The following DENND11 variants were observed in gnomAD, a reference collection of about 807,000 sequenced individuals.
The protein encoded by DENND11 is DENN domain-containing protein 11.
Under a neutral mutation model 49.2 loss-of-function variants are expected in DENND11, and 34 were observed. That is an observed-to-expected ratio of 0.69 (90% CI 0.53 to 0.92). The LOEUF (loss-of-function observed/expected upper bound fraction) is 0.92. Among genes scored for constraint, DENND11 ranks in the 40% least tolerant of loss-of-function variants. The pLI is 0.00. For synonymous variants in DENND11, 238 were observed against 230.3 expected (o/e 1.03, Z -0.30); for missense variants, 475 against 581.6 (o/e 0.82, Z 1.88).
At chr7:141,666,258 C>G (rs1797891831) in intron 5 of DENND11, 29 bp downstream of exon 5, 1 of 1,562,150 alleles carries the variant, frequency 6.4e-7, no homozygotes. Flanking sequence ...GGGATTTAAG[C>G]AGCACTCCTG....
chr7:141,690,846 C>T (rs112731008), intron 1 of DENND11, among the ~76,000 whole-genome samples: 1 of 152,160 alleles, frequency 6.6e-6, no homozygotes, highest in African/African-American at 2.4e-5. Flanking sequence ...CTTTAATATG[C>T]CACTCTGCAT....
Position 141,664,919 on chromosome 7 carries a change from C to A in DENND11, c.1088G>T (p.Arg363Leu). The A allele has an allele frequency of 6.2e-7, 1 of 1,612,234 alleles. No individual in the cohort carries two copies. The highest frequency in any genetic ancestry group is 8.5e-7 in the Non-Finnish European group (1 of 1,179,148). ...INSADREKYR[R>L]LNEQRQMLLY... is the part of the protein sequence containing the mutation. The stretch of plus-strand genomic sequence containing the variant: ...CTGCCACTACCTCTGCTCGTTGAGC[C>A]GGCGGTACTTCTCCCTGTCAGCACT... Residue 363 changes from arginine (R) to leucine (L), a missense_variant, in exon 7 of 9, where the codon CGG (arginine) becomes CTG (leucine). Physicochemically the swap from Arg to Leu is moderately radical, Grantham distance 102. Coordinates refer to ENST00000536163, the MANE Select transcript of DENND11 (RefSeq NM_001080392.2).
Position 141,686,585 on chromosome 7 carries a change from C to T in DENND11, c.342G>A (p.Gly114=), listed in dbSNP as rs758510756. The T allele has an allele frequency of 1.9e-6, 3 of 1,611,876 alleles. No homozygotes were observed. Among genetic ancestry groups the T allele is most frequent in the Admixed American group, 1.7e-5 (1 of 59,958 alleles). Residue 114 remains glycine, a synonymous_variant, in exon 2 of 9, where the codon GGG becomes GGA. Coordinates refer to ENST00000536163, the MANE Select transcript of DENND11 (RefSeq NM_001080392.2). ...EGVEFKSMAS[G]SHKIQSDFIY... ...TGAAATCAGATTGGATTTTATGGGA[C>T]CCACTGGCCATAGACTTGAACTCAA...
intron 4 of DENND11, among the ~76,000 whole-genome samples, chr7:141,671,556 G>A (rs1282393201): frequency 1.3e-5 from 2 of 152,176 alleles, no homozygotes; most frequent in African/African-American, 4.8e-5. Flanking sequence ...AACCATAACG[G>A]TACCCTCTTC....
At chr7:141,698,964 G>A (rs1798460374) in intron 1 of DENND11, among the ~76,000 whole-genome samples, 2 of 152,160 alleles carry the variant, frequency 1.3e-5, no homozygotes, top group South Asian at 4.2e-4. Context: ...AGGTGGGTGT[G>A]GGGTGGGGGG....
At chr7:141,665,341 C>A (rs374543332) in intron 5 of DENND11, 23 bp from the exon 6 acceptor site, 1 of 1,613,164 alleles carries the variant, frequency 6.2e-7, no homozygotes, top group East Asian at 2.2e-5. Flanking sequence ...AGGAGGTGAG[C>A]GGGGAGGGTC....
rs1457123229 is a variant in DENND11, at chr7:141,665,181, A to G, written c.952+6T>C. The G allele has an allele frequency of 6.2e-7, 1 of 1,612,648 alleles. No homozygotes were observed. Among genetic ancestry groups the G allele is most frequent in the Non-Finnish European group, 8.5e-7 (1 of 1,179,374 alleles). The stretch of plus-strand genomic sequence containing the variant: ...GGGCAAGATGAGGGGAGGGCCCCGT[A>G]CTCACAGGCCACATAGGACACCTCT... On this transcript the variant is annotated splice_donor_region_variant and intron_variant, in intron 6 of 8. Transcript: ENST00000536163.
At chr7:141,701,093 C>G (rs985006077) in intron 1 of DENND11, among the ~76,000 whole-genome samples, 2 of 152,034 alleles carry the variant, frequency 1.3e-5, no homozygotes, top group Non-Finnish European at 2.9e-5. Context: ...GTTCTTCCAC[C>G]TTCTGTCCCC....
At chr7:141,696,151 CAAA>C (rs1477575173) in intron 1 of DENND11, among the ~76,000 whole-genome samples, 3 of 152,166 alleles carry the variant, frequency 2.0e-5, no homozygotes, top group Non-Finnish European at 4.4e-5. Flanking sequence ...TTCACAGCTC[CAAA>C]GGTCAGCCTG....
intron 4 of DENND11, among the ~76,000 whole-genome samples, chr7:141,670,021 A>C (rs1363848166): frequency 1.3e-5 from 2 of 150,682 alleles, no homozygotes; most frequent in Non-Finnish European, 2.9e-5. Context: ...CGTGTTAGCC[A>C]GGATGGTCTC....
Position 141,702,150 on chromosome 7 carries a change from C to T in DENND11, c.4G>A (p.Val2Met), listed in dbSNP as rs966649453. ...AGCGGCGCCGCGTCTCCCTGCTCCA[C>T]CATGGCTAGGCGAGGCGGAGCCGCG... M[V>M]EQGDAAPLLR... The change falls in exon 1 of 9, where the codon GTG (valine) becomes ATG (methionine). Residue 2 changes from valine (V) to methionine (M), a missense_variant. Physicochemically the swap from Val to Met is conservative, Grantham distance 21. Coordinates refer to ENST00000536163, the MANE Select transcript of DENND11 (RefSeq NM_001080392.2). 8 of 982,518 alleles carry T rather than the reference C, an allele frequency of 8.1e-6. No homozygotes were observed. Among genetic ancestry groups the T allele is most frequent in the Non-Finnish European group, 7.2e-6 (6 of 829,586 alleles). 60.9% of individuals were successfully genotyped at this position (982,518 alleles called of 1,614,324 possible). A position where few individuals can be genotyped will look rare whatever the true frequency, so the allele number is the denominator to read the frequency against.
chr7:141,676,697 T>C (rs1197171083), intron 3 of DENND11, among the ~76,000 whole-genome samples: 1 of 152,152 alleles, frequency 6.6e-6, no homozygotes, highest in Non-Finnish European at 1.5e-5. Flanking sequence ...AACTACAATA[T>C]CAAGAAAAAC....
rs905365122 is a variant in DENND11 at position 141,661,453 on chromosome 7, C to T, written c.*1203G>A. The T allele has an allele frequency of 2.6e-5, 4 of 152,258 alleles. No individual in the cohort carries two copies. Among genetic ancestry groups the T allele is most frequent in the African/African-American group, 4.8e-5 (2 of 41,460 alleles). 9.4% of individuals were successfully genotyped at this position (152,258 alleles called of 1,614,324 possible). On this transcript the variant is annotated 3_prime_UTR_variant, in exon 9 of 9. Coordinates refer to ENST00000536163, the MANE Select transcript of DENND11 (RefSeq NM_001080392.2). ...AGGATGGATAAATCCATCAGGGATG[C>T]TCAGGGCTTCCTGACCACTGTCCCG...
At chr7:141,663,352 C>T (rs2117050147) in intron 8 of DENND11, 1 of 152,930 alleles carries the variant, frequency 6.5e-6, no homozygotes, top group South Asian at 2.1e-4. Flanking sequence ...AACAAACAAG[C>T]TCTGTTCAGG....
rs371331315 is a variant in DENND11, at chr7:141,665,179, G to A, written c.952+8C>T. ...GAGGGCAAGATGAGGGGAGGGCCCC[G>A]TACTCACAGGCCACATAGGACACCT... On this transcript the variant is annotated splice_region_variant and intron_variant, in intron 6 of 8. Coordinates refer to ENST00000536163, the MANE Select transcript of DENND11 (RefSeq NM_001080392.2). The A allele has an allele frequency of 1.7e-5, 27 of 1,612,536 alleles. No homozygotes were observed. The East Asian group carries it at 2.0e-4, about 12-fold the overall frequency.
At chr7:141,669,564 G>A (rs1199889481) in intron 4 of DENND11, among the ~76,000 whole-genome samples, 5 of 151,872 alleles carry the variant, frequency 3.3e-5, no homozygotes, top group East Asian at 1.9e-4. Context: ...TTCTTTATAC[G>A]TGTGTTCATG....
intron 1 of DENND11, among the ~76,000 whole-genome samples, chr7:141,688,448 G>GT (rs1197880729): frequency 6.6e-6 from 1 of 152,092 alleles, no homozygotes; most frequent in African/African-American, 2.4e-5. Context: ...CTTTCAAATA[G>GT]TTTATTTTCA....
rs761211356 is a variant in DENND11, at chr7:141,665,139, G to A, written c.952+48C>T. On this transcript the variant is annotated intron_variant, in intron 6 of 8. Coordinates refer to ENST00000536163, the MANE Select transcript of DENND11 (RefSeq NM_001080392.2). Reference sequence around the variant, plus strand: ...CCCAGGAGCCCTGTGTCTGGGAGGAGCAGGGCTGGGACCTGAGGGCAAGAT... The same window carrying A: ...CCCAGGAGCCCTGTGTCTGGGAGGAACAGGGCTGGGACCTGAGGGCAAGAT... 4 of 1,611,304 alleles carry A rather than the reference G, an allele frequency of 2.5e-6. No homozygotes were observed. The South Asian group carries it at 4.4e-5, about 18-fold the overall frequency.
At chr7:141,701,455 GCGGGGAGCTCAGGGCGCTCGCC>G (rs1798515144) in intron 1 of DENND11, 1 of 144,382 alleles carries the variant, frequency 6.9e-6, no homozygotes, top group East Asian at 2.1e-4. Context: ...TGGGGGGCGA[GCGGGGAGCTCAGGGCGCTCGCC>G]CGGGGGGTTT....
Sources: gnomAD v4.1 joint callset for allele counts (sites outside exome capture counted in the v4.1 genomes callset) on GRCh38, gnomAD v4.1.1 for gene constraint, MANE v1.5 for transcripts, NCBI Gene and HGNC (gene_info 2026-07-23, HGNC 2026-07-21) for gene names.